Variants in AGAP1 observed in about 807,000 individuals in gnomAD.
The protein encoded by AGAP1 is arf-GAP with GTPase, ANK repeat and PH domain-containing protein 1.
AGAP1 carries 29 observed loss-of-function variants against 105.3 expected under a neutral mutation model. The observed-to-expected ratio is 0.28, with a 90% CI of 0.21 to 0.38. The LOEUF (loss-of-function observed/expected upper bound fraction) is 0.38. Ranked by LOEUF, AGAP1 falls within the 10% of genes least tolerant of loss-of-function variation. The probability of loss-of-function intolerance (pLI) is 1.00; values close to 1 mark genes in which losing one functional copy is unlikely to be tolerated. For missense variants in AGAP1, 998 were observed against 1,165.1 expected, an observed-to-expected ratio of 0.86 and a Z score of 2.09; for synonymous variants, 509 against 485.9, an observed-to-expected ratio of 1.05 and a Z score of -0.63.
chr2:235,543,847 C>G (rs934628660), intron 1 of AGAP1, among the ~76,000 whole-genome samples: 1 of 152,154 alleles, frequency 6.6e-6, no homozygotes, highest in African/African-American at 2.4e-5. Flanking sequence ...TTTGGGGTAT[C>G]CAGGGGCAAC....
chr2:235,794,562 C>T (rs1040556071), intron 6 of AGAP1, among the ~76,000 whole-genome samples: 4 of 152,156 alleles, frequency 2.6e-5, no homozygotes, highest in African/African-American at 9.7e-5. Flanking sequence ...ACCTCTGCCT[C>T]CCCGGTTCAA....
At position 235,720,521 on chromosome 2, in the gene AGAP1, T is replaced by A. The variant is rs1951327896; in HGVS notation, c.310+2877T>A. 2 of 293,666 alleles carry A rather than the reference T, an allele frequency of 6.8e-6. No homozygotes were observed. The highest frequency in any genetic ancestry group is 2.7e-4 in the South Asian group (2 of 7,424). 18.2% of individuals were successfully genotyped at this position (293,666 alleles called of 1,614,324 possible). On this transcript the variant is annotated intron_variant, in intron 3 of 17. Coordinates refer to ENST00000304032, the MANE Select transcript of AGAP1 (RefSeq NM_001037131.3). This position sits in a 1 kb window ranked among gnomAD's most constrained non-coding sequence, Gnocchi z 5.0. ...GGGATTGGATTTTGAGTGAGCTCTGTGGCCTTCCCATTTCTTGGTGTACTG... is the reference window on the plus strand; with the variant it reads ...GGGATTGGATTTTGAGTGAGCTCTGAGGCCTTCCCATTTCTTGGTGTACTG...
Position 235,621,570 on chromosome 2 carries a change from G to T in AGAP1, c.164-87609G>T, listed in dbSNP as rs1336023926. On this transcript the variant is annotated intron_variant, in intron 1 of 17. Coordinates refer to ENST00000304032, the MANE Select transcript of AGAP1 (RefSeq NM_001037131.3). This position sits in a 1 kb window ranked among gnomAD's most constrained non-coding sequence, Gnocchi z 4.1. ...AGCCGGCTTCTCTGGGCACTGGCTG[G>T]GCTGACCCCAATGGCCCCTGCCCAT... Among the ~76,000 whole-genome samples the T allele has an allele frequency of 6.6e-6, 1 of 152,148 alleles. No homozygotes were observed. The highest frequency in any genetic ancestry group is 1.5e-5 in the Non-Finnish European group (1 of 68,030).
rs560119387 is a variant in AGAP1, at chr2:236,082,685, C to T, written c.2114+33404C>T. ...GGCCAGGAGTTTGAGACCAGCCTGG[C>T]CAACATGGCGAAACCCTGTCTCTAC... is the stretch of plus-strand genomic sequence containing the variant. On this transcript the variant is annotated intron_variant, in intron 16 of 17. Transcript: ENST00000304032. The surrounding 1 kb of genome is among the most constrained non-coding windows in gnomAD (Gnocchi z 4.2). Among the ~76,000 whole-genome samples, 1 of 152,290 alleles carries T rather than the reference C, an allele frequency of 6.6e-6. No homozygotes were observed. Among genetic ancestry groups the T allele is most frequent in the South Asian group, 2.1e-4 (1 of 4,826 alleles).
rs998446648 is a variant in AGAP1, at chr2:235,977,838, G to A, written c.1645+9215G>A. Among the ~76,000 whole-genome samples the A allele has an allele frequency of 4.6e-5, 7 of 152,138 alleles. No homozygotes were observed. Among genetic ancestry groups the A allele is most frequent in the East Asian group, 3.9e-4 (2 of 5,188 alleles). On this transcript the variant is annotated intron_variant, in intron 13 of 17. Coordinates refer to ENST00000304032, the MANE Select transcript of AGAP1 (RefSeq NM_001037131.3). This position sits in a 1 kb window ranked among gnomAD's most constrained non-coding sequence, Gnocchi z 5.2. ...AGGATGAAATAAAATTGCACCTACCGTTTGTCTTAGCTCAGCCTGCCATAT... is the reference window on the plus strand; with the variant it reads ...AGGATGAAATAAAATTGCACCTACCATTTGTCTTAGCTCAGCCTGCCATAT...
rs567545004 is a variant in AGAP1, at chr2:236,014,117, G to A, written c.1646-22444G>A. On this transcript the variant is annotated intron_variant, in intron 13 of 17. Transcript: ENST00000304032. This position sits in a 1 kb window ranked among gnomAD's most constrained non-coding sequence, Gnocchi z 6.3. Reference sequence around the variant, plus strand: ...AGCGTCCCACTGTCGGTGACTTGGCGTTTTGTCCTTTCTCCTGAGAACCTG... The same window carrying A: ...AGCGTCCCACTGTCGGTGACTTGGCATTTTGTCCTTTCTCCTGAGAACCTG... Among the ~76,000 whole-genome samples, 6 of 152,206 alleles carry A rather than the reference G, an allele frequency of 3.9e-5. No individual in the cohort carries two copies. Among genetic ancestry groups the A allele is most frequent in the African/African-American group, 1.4e-4 (6 of 41,520 alleles).
At chr2:236,118,880 G>A (rs2059835854) in intron 16 of AGAP1, among the ~76,000 whole-genome samples, 1 of 151,788 alleles carries the variant, frequency 6.6e-6, no homozygotes, top group Non-Finnish European at 1.5e-5. Context: ...TGAGTTTTCA[G>A]TATCTGTCAC....
rs1553556937 is a variant in AGAP1 at position 235,517,944 on chromosome 2, A to AAAGAG, written c.163+23097_163+23098insGAGAA. ...TGAGACTCCGTTTCAAAAAAAAAAA[A>AAAGAG]AAAGAAAAAAAAAAGGTAGAACTCA... On this transcript the variant is annotated intron_variant, in intron 1 of 17. Coordinates refer to ENST00000304032, the MANE Select transcript of AGAP1 (RefSeq NM_001037131.3). This position sits in a 1 kb window ranked among gnomAD's most constrained non-coding sequence, Gnocchi z 4.1. Among the ~76,000 whole-genome samples the AAAGAG allele has an allele frequency of 1.4e-5, 2 of 141,730 alleles. No homozygotes were observed. Among genetic ancestry groups the AAAGAG allele is most frequent in the African/African-American group, 2.6e-5 (1 of 38,200 alleles). 93.0% of individuals were successfully genotyped at this position (141,730 alleles called of 152,430 possible).
intron 1 of AGAP1, among the ~76,000 whole-genome samples, chr2:235,681,878 T>C (rs1559343970): frequency 1.5e-5 from 2 of 130,202 alleles, no homozygotes; most frequent in Non-Finnish European, 3.2e-5. Context: ...TGATACAGAG[T>C]CTCACTCCGT....
intron 1 of AGAP1, among the ~76,000 whole-genome samples, chr2:235,542,002 C>A (rs1943458351): frequency 6.6e-6 from 1 of 152,126 alleles, no homozygotes; most frequent in Non-Finnish European, 1.5e-5. Context: ...TTTTTCTGCC[C>A]ACACTGGATA....
chr2:235,683,054 C>T (rs1364533579), intron 1 of AGAP1, among the ~76,000 whole-genome samples: 1 of 152,094 alleles, frequency 6.6e-6, no homozygotes, highest in Non-Finnish European at 1.5e-5. Context: ...TTCCTGTAAT[C>T]CCAGCACTTT....
chr2:235,800,622 C>T (rs978997340), intron 8 of AGAP1, among the ~76,000 whole-genome samples: 2 of 152,194 alleles, frequency 1.3e-5, no homozygotes, highest in Non-Finnish European at 2.9e-5. Context: ...CCCTGGATCA[C>T]GCATTACAAG....
intron 16 of AGAP1, among the ~76,000 whole-genome samples, chr2:236,088,532 C>T (rs187098870): frequency 7.9e-5 from 12 of 152,270 alleles, no homozygotes; most frequent in Non-Finnish European, 1.5e-4. Context: ...GAAGAAGATG[C>T]CTCTGTGAAC....
At chr2:235,784,682 T>G (rs1407139860) in intron 6 of AGAP1, among the ~76,000 whole-genome samples, 5 of 151,908 alleles carry the variant, frequency 3.3e-5, no homozygotes. Context: ...CAAAAAAAAT[T>G]TACCTGGTTT....
chr2:235,534,415 G>A (rs1252560666), intron 1 of AGAP1, among the ~76,000 whole-genome samples: 2 of 152,108 alleles, frequency 1.3e-5, no homozygotes, highest in Admixed American at 1.3e-4. Flanking sequence ...TGGATTAAAT[G>A]TACACCTAAA....
chr2:235,674,372 C>T (rs983026864), intron 1 of AGAP1, among the ~76,000 whole-genome samples: 7 of 152,178 alleles, frequency 4.6e-5, no homozygotes, highest in Non-Finnish European at 5.9e-5. Context: ...TGATAAATGA[C>T]ATTGTAGGGG....
Position 236,105,741 on chromosome 2 carries a change from C to T in AGAP1, c.2115-14451C>T, listed in dbSNP as rs1451232903. ...CCCGAGTAGCTGGGACTACAGGCGC[C>T]CGCCACCATGCCCGGCTGATTTTGT... is the stretch of plus-strand genomic sequence containing the variant. On this transcript the variant is annotated intron_variant, in intron 16 of 17. Coordinates refer to ENST00000304032, the MANE Select transcript of AGAP1 (RefSeq NM_001037131.3). This position sits in a 1 kb window ranked among gnomAD's most constrained non-coding sequence, Gnocchi z 4.2. Among the ~76,000 whole-genome samples, 3 of 151,948 alleles carry T rather than the reference C, an allele frequency of 2.0e-5. No homozygotes were observed. The highest frequency in any genetic ancestry group is 7.2e-5 in the African/African-American group (3 of 41,384).
rs1435029390 is a variant in AGAP1, at chr2:235,740,918, C to G, written c.311-45C>G. ...AGCCCACGTCTGTCTGCCCTCCTCA[C>G]TCTCTGTTGTTCTCGTGTAACGAGA... On this transcript the variant is annotated intron_variant, in intron 3 of 17. Transcript: ENST00000304032. This position sits in a 1 kb window ranked among gnomAD's most constrained non-coding sequence, Gnocchi z 5.7. 1 of 1,613,142 alleles carries G rather than the reference C, an allele frequency of 6.2e-7. No individual in the cohort carries two copies. Among genetic ancestry groups the G allele is most frequent in the Non-Finnish European group, 8.5e-7 (1 of 1,179,176 alleles).
At chr2:235,991,922 C>T (rs549590608) in intron 13 of AGAP1, among the ~76,000 whole-genome samples, 2 of 152,366 alleles carry the variant, frequency 1.3e-5, no homozygotes, top group East Asian at 3.9e-4. Context: ...AGATTCGCTA[C>T]AGATTCAGAC....
Sources: allele counts gnomAD v4.1 joint callset (sites outside exome capture counted in the v4.1 genomes callset), GRCh38; gene constraint gnomAD v4.1.1; non-coding constraint Gnocchi (gnomAD v3.1); transcripts MANE v1.5; gene names NCBI Gene and HGNC (gene_info 2026-07-23, HGNC 2026-07-21).